Variants in CARHSP1 observed in about 807,000 individuals in gnomAD.
The protein encoded by CARHSP1 is calcium regulated heat stable protein 1.
Under a neutral mutation model 12.5 loss-of-function variants are expected in CARHSP1, and 14 were observed. The observed-to-expected ratio is 1.12, with a 90% confidence interval of 0.74 to 1.75. The LOEUF is 1.75. CARHSP1 is among the 40% of genes most tolerant of loss of function. The pLI, the probability that CARHSP1 is intolerant of heterozygous loss-of-function variation, is 0.00. For missense variants in CARHSP1, 343 were observed against 201.6 expected, an observed-to-expected ratio of 1.70 and a Z score of -4.25; for synonymous variants, 161 against 82.0, an observed-to-expected ratio of 1.96 and a Z score of -5.20.
chr16:8,860,498 A>G (rs1371366076), intron 1 of CARHSP1: 2 of 985,326 alleles, frequency 2.0e-6, no homozygotes, highest in South Asian at 4.7e-5. Flanking sequence ...CTCGAGGTTC[A>G]GGGGAAAGAG....
chr16:8,858,639 A>C, intron 2 of CARHSP1, 167 bp from the exon 3 acceptor site: 1 of 797,198 alleles, frequency 1.3e-6, no homozygotes, highest in Non-Finnish European at 1.9e-6. Flanking sequence ...AGCCGCTCAC[A>C]AAGACGCTGG....
intron 2 of CARHSP1, 26 bp from the exon 3 acceptor site, chr16:8,858,498 G>C: frequency 6.2e-7 from 1 of 1,610,738 alleles, no homozygotes; most frequent in Non-Finnish European, 8.5e-7. Flanking sequence ...AAATGTCAGG[G>C]GCCCCATCAG....
intron 3 of CARHSP1, among the ~76,000 whole-genome samples, chr16:8,857,139 C>A (rs1290657244): frequency 6.6e-6 from 1 of 152,196 alleles, no homozygotes; most frequent in African/African-American, 2.4e-5. Flanking sequence ...CTCACCCCAG[C>A]AGTCCCTGCT....
rs1041278702 is a variant in CARHSP1, at chr16:8,852,949, G to C, written c.*2215C>G. 2 of 152,148 alleles carry C rather than the reference G, an allele frequency of 1.3e-5. No homozygotes were observed. The highest frequency in any genetic ancestry group is 1.3e-4 in the Admixed American group (2 of 15,280). 9.4% of individuals were successfully genotyped at this position (152,148 alleles called of 1,614,324 possible). A position where few individuals can be genotyped will look rare whatever the true frequency, so the allele number is the denominator to read the frequency against. ...TCCACACAAACACACGCATAGCCTT[G>C]CACAAAACAAAAATTTATTGGGAGA... On this transcript the variant is annotated 3_prime_UTR_variant, in exon 4 of 4. Coordinates refer to ENST00000311052, the MANE Select transcript of CARHSP1 (RefSeq NM_014316.4).
In CARHSP1 at chr16:8,858,335, C is replaced by G. The variant is rs771310311; in HGVS notation, c.281+15G>C. The G allele has an allele frequency of 2.5e-5, 41 of 1,612,142 alleles. No individual in the cohort carries two copies. The East Asian group carries it at 8.5e-4, about 33-fold the overall frequency. ...CCCACCCCAGCCAGGCCACCCAGAC[C>G]TGCCGCTGACTCACTCAGAGATGTG... On this transcript the variant is annotated intron_variant, in intron 3 of 3. Transcript: ENST00000311052.
chr16:8,864,318 CA>C (rs1490026428), intron 1 of CARHSP1, among the ~76,000 whole-genome samples: 37 of 142,344 alleles, frequency 2.6e-4, no homozygotes, highest in African/African-American at 8.7e-4. Flanking sequence ...CCTCACCGCA[CA>C]GCACGCTGGG....
At chr16:8,859,013 C>G (rs372561344) in intron 2 of CARHSP1, 158 bp downstream of exon 2, 1 of 610,948 alleles carries the variant, frequency 1.6e-6, no homozygotes, top group Non-Finnish European at 2.7e-6. Flanking sequence ...TTACAAGGCG[C>G]CTTCCTAGTT....
At chr16:8,860,492 A>C in intron 1 of CARHSP1, 1 of 985,406 alleles carries the variant, frequency 1.0e-6, no homozygotes, top group Non-Finnish European at 1.2e-6. Context: ...CCTCAGCTCG[A>C]GGTTCAGGGG....
At chr16:8,859,098 G>T in intron 2 of CARHSP1, 73 bp downstream of exon 2, 1 of 1,426,932 alleles carries the variant, frequency 7.0e-7, no homozygotes, top group Non-Finnish European at 9.4e-7. Flanking sequence ...AAAATGGCCA[G>T]AGACACAGTG....
chr16:8,856,751 CT>C, intron 3 of CARHSP1, among the ~76,000 whole-genome samples: 1 of 152,086 alleles, frequency 6.6e-6, no homozygotes, highest in Non-Finnish European at 1.5e-5. Flanking sequence ...AAGTAAAAGA[CT>C]TGGGGGTGCT....
chr16:8,868,866 G>C (rs894287294), intron 1 of CARHSP1, 100 bp downstream of exon 1: 3 of 152,110 alleles, frequency 2.0e-5, no homozygotes, highest in Admixed American at 6.5e-5. Context: ...TGCAGGATGG[G>C]GGACGATGGA....
At chr16:8,857,000 G>A (rs569080112) in intron 3 of CARHSP1, among the ~76,000 whole-genome samples, 1 of 152,292 alleles carries the variant, frequency 6.6e-6, no homozygotes, top group African/African-American at 2.4e-5. Context: ...GAGCAAAGGG[G>A]CAGGACAGCC....
At chr16:8,863,292 T>G (rs1477369037) in intron 1 of CARHSP1, among the ~76,000 whole-genome samples, 1 of 151,790 alleles carries the variant, frequency 6.6e-6, no homozygotes, top group Non-Finnish European at 1.5e-5. Flanking sequence ...AGCTCATTTT[T>G]TGTAGAGACA....
intron 1 of CARHSP1, among the ~76,000 whole-genome samples, chr16:8,863,302 AG>A (rs1378656288): frequency 1.6e-5 from 2 of 122,982 alleles, no homozygotes; most frequent in Non-Finnish European, 3.5e-5. Flanking sequence ...TTGTAGAGAC[AG>A]GGTTTCAATA....
chr16:8,855,131 C>T lies in CARHSP1; in HGVS notation c.*33G>A, dbSNP rs376768452. 1.3e-6 allele frequency: 2 copies of T among 1,489,958 alleles called. No individual in the cohort carries two copies. Among genetic ancestry groups the T allele is most frequent in the East Asian group, 2.5e-5 (1 of 39,704 alleles). 92.3% of individuals were successfully genotyped at this position (1,489,958 alleles called of 1,614,324 possible). ...TGCCTCCTCCCTGCAAAGTCTCCCA[C>T]AAGCACAGGACAAGGGGTGCTTCCA... On this transcript the variant is annotated 3_prime_UTR_variant, in exon 4 of 4. Coordinates refer to ENST00000311052, the MANE Select transcript of CARHSP1 (RefSeq NM_014316.4).
At chr16:8,859,618 C>A (rs958518456) in intron 1 of CARHSP1, among the ~76,000 whole-genome samples, 1 of 152,070 alleles carries the variant, frequency 6.6e-6, no homozygotes, top group Non-Finnish European at 1.5e-5. Context: ...CAGCACAAGG[C>A]ATGGATCCCG....
chr16:8,859,274 C>T lies in CARHSP1; in HGVS notation c.55G>A (p.Gly19Arg), dbSNP rs563350418. The T allele has an allele frequency of 5.1e-5, 82 of 1,600,986 alleles. No individual in the cohort carries two copies. The highest frequency in any genetic ancestry group is 1.2e-4 in the South Asian group (11 of 89,320). ...PQPPTHQASV[G>R]LLDTPRSRER... Reference sequence around the variant, plus strand: ...CGGCTCCGAGGGGTGTCCAGCAGCCCGACTGAAGCTTGATGGGTGGGGGGC... The same window carrying T: ...CGGCTCCGAGGGGTGTCCAGCAGCCTGACTGAAGCTTGATGGGTGGGGGGC... Residue 19 changes from glycine to arginine, a missense_variant, in exon 2 of 4, where the codon GGG becomes AGG. Gly to Arg is a moderately radical substitution (Grantham distance 125, BLOSUM62 -2). Coordinates refer to ENST00000311052, the MANE Select transcript of CARHSP1 (RefSeq NM_014316.4).
rs537614451 is a variant in CARHSP1, at chr16:8,861,989, CTTTTTTTTTTTT to C, written c.-7-2666_-7-2655del. Among the ~76,000 whole-genome samples, 147 of 79,810 alleles carry C rather than the reference CTTTTTTTTTTTT, an allele frequency of 1.8e-3. 1 individual carries two copies. The highest frequency in any genetic ancestry group is 8.6e-3 in the Middle Eastern group (1 of 116). The allele number at this position is 79,810 out of a possible 152,430, so 52.4% of individuals were successfully genotyped here. ...TTCTCCTGGAGTCAAGCATAGCTGA[CTTTTTTTTTTTT>C]TTTTTTTTTTTTTTTTAATTTGAGA... On this transcript the variant is annotated intron_variant, in intron 1 of 3. Coordinates refer to ENST00000311052, the MANE Select transcript of CARHSP1 (RefSeq NM_014316.4).
chr16:8,853,589 G>T lies in CARHSP1; in HGVS notation c.*1575C>A, dbSNP rs930384815. The T allele has an allele frequency of 6.6e-5, 10 of 152,186 alleles. No homozygotes were observed. Among genetic ancestry groups the T allele is most frequent in the African/African-American group, 2.2e-4 (9 of 41,438 alleles). The allele number at this position is 152,186 out of a possible 1,614,324, so 9.4% of individuals were successfully genotyped here. On this transcript the variant is annotated 3_prime_UTR_variant, in exon 4 of 4. Coordinates refer to ENST00000311052, the MANE Select transcript of CARHSP1 (RefSeq NM_014316.4). ...CCTGATGAAGCTGTTCATGCTTCCA[G>T]CATCAAACTGGACGTTTACTGTCTG...
Sources: gnomAD v4.1 joint callset for allele counts (sites outside exome capture counted in the v4.1 genomes callset) on GRCh38, gnomAD v4.1.1 for gene constraint, MANE v1.5 for transcripts, NCBI Gene and HGNC (gene_info 2026-07-23, HGNC 2026-07-21) for gene names.